The following CHMP4B variants were observed in gnomAD, a reference collection of about 807,000 sequenced individuals.
CHMP4B encodes the protein SNF7 homolog associated with Alix 1.
A neutral mutation model predicts 25.1 loss-of-function variants in CHMP4B; 1 was observed. The observed-to-expected ratio is 0.04, with a 90% confidence interval of 0.01 to 0.19. The LOEUF is 0.19. CHMP4B is among the 10% of genes least tolerant of loss of function. CHMP4B has a pLI of 1.00. For synonymous variants in CHMP4B, 101 were observed against 115.6 expected (o/e 0.87, Z 0.81); for missense variants, 151 against 289.7 (o/e 0.52, Z 3.48).
intron 1 of CHMP4B, among the ~76,000 whole-genome samples, chr20:33,844,691 G>A (rs1270869692): frequency 6.6e-6 from 1 of 151,990 alleles, no homozygotes; most frequent in Non-Finnish European, 1.5e-5. Flanking sequence ...AGTTTCATAA[G>A]CATTTTACCA....
intron 1 of CHMP4B, among the ~76,000 whole-genome samples, chr20:33,819,304 C>T (rs755733632): frequency 3.3e-5 from 5 of 152,238 alleles, no homozygotes; most frequent in Middle Eastern, 3.4e-3. Context: ...CAGGCAGGGC[C>T]GAGCCATTTG....
At chr20:33,837,989 T>C (rs1381085587) in intron 1 of CHMP4B, among the ~76,000 whole-genome samples, 1 of 151,906 alleles carries the variant, frequency 6.6e-6, no homozygotes, top group Non-Finnish European at 1.5e-5. Flanking sequence ...TGATGAGGAG[T>C]CTGAGGCCCT....
intron 1 of CHMP4B, among the ~76,000 whole-genome samples, chr20:33,822,572 T>C (rs529272497): frequency 6.6e-4 from 101 of 152,344 alleles, no homozygotes; most frequent in African/African-American, 2.3e-3. Flanking sequence ...GGTAGGACTT[T>C]GGGTGTCAAG....
chr20:33,853,442 A>G, intron 4 of CHMP4B, 54 bp from the exon 5 acceptor site: 1 of 1,550,100 alleles, frequency 6.5e-7, no homozygotes, highest in Non-Finnish European at 8.9e-7. Flanking sequence ...ATTTCCGGCC[A>G]GAACATGTTG....
intron 1 of CHMP4B, among the ~76,000 whole-genome samples, chr20:33,843,338 C>T (rs1282880157): frequency 6.6e-6 from 1 of 152,134 alleles, no homozygotes; most frequent in Non-Finnish European, 1.5e-5. Flanking sequence ...ATGGAGATTC[C>T]AAGGACTGTT....
At chr20:33,851,726 G>A (rs1415676617) in intron 3 of CHMP4B, among the ~76,000 whole-genome samples, 1 of 152,118 alleles carries the variant, frequency 6.6e-6, no homozygotes, top group South Asian at 2.1e-4. Context: ...ACTGGAGTTC[G>A]ATGGATGAAT....
Position 33,830,933 on chromosome 20 carries a change from G to GTTTTTTTTTT in CHMP4B, c.191-17527_191-17518dup, listed in dbSNP as rs55917511. On this transcript the variant is annotated intron_variant, in intron 1 of 4. Coordinates refer to ENST00000217402, the MANE Select transcript of CHMP4B (RefSeq NM_176812.5). ...TGAATTAATTGTTCAAAGGAACAGA[G>GTTTTTTTTTT]TTTTTTTTTTTTTTTTAGTTTTTTT... Among the ~76,000 whole-genome samples, 100 of 102,562 alleles carry GTTTTTTTTTT rather than the reference G, an allele frequency of 9.8e-4. 5 individuals are homozygous for GTTTTTTTTTT. Among genetic ancestry groups the GTTTTTTTTTT allele is most frequent in the African/African-American group, 3.3e-3 (90 of 27,426 alleles). 67.3% of individuals were successfully genotyped at this position (102,562 alleles called of 152,430 possible).
At chr20:33,846,072 A>G (rs1979682376) in intron 1 of CHMP4B, among the ~76,000 whole-genome samples, 1 of 152,216 alleles carries the variant, frequency 6.6e-6, no homozygotes, top group African/African-American at 2.4e-5. Context: ...GTGTTCCCAC[A>G]GTCCCCATGT....
At chr20:33,850,561 C>T (rs962803496) in intron 2 of CHMP4B, among the ~76,000 whole-genome samples, 1 of 152,190 alleles carries the variant, frequency 6.6e-6, no homozygotes, top group Non-Finnish European at 1.5e-5. Context: ...GCCCATTAGA[C>T]AGCATGGCTG....
At chr20:33,852,517 G>T (rs1262240506) in intron 4 of CHMP4B, among the ~76,000 whole-genome samples, 1 of 152,168 alleles carries the variant, frequency 6.6e-6, no homozygotes, top group East Asian at 1.9e-4. Flanking sequence ...TGGATGTTCA[G>T]CACCATCCCT....
At chr20:33,812,654 A>G (rs559438186) in intron 1 of CHMP4B, among the ~76,000 whole-genome samples, 83 of 152,366 alleles carry the variant, frequency 5.4e-4, no homozygotes, top group African/African-American at 2.0e-3. Context: ...TCACAGAACG[A>G]CATCCCTTCC....
At chr20:33,825,873 G>C (rs761328497) in intron 1 of CHMP4B, among the ~76,000 whole-genome samples, 5 of 152,204 alleles carry the variant, frequency 3.3e-5, no homozygotes, top group Non-Finnish European at 7.3e-5. Context: ...CTCTGAAAAA[G>C]AGCCAGCTCC....
intron 1 of CHMP4B, among the ~76,000 whole-genome samples, chr20:33,816,161 T>A (rs1209493917): frequency 6.6e-6 from 1 of 152,172 alleles, no homozygotes; most frequent in African/African-American, 2.4e-5. Flanking sequence ...ATTTCATTTC[T>A]TTTTCTTTAG....
chr20:33,840,487 A>G (rs1568609922), intron 1 of CHMP4B, among the ~76,000 whole-genome samples: 1 of 152,154 alleles, frequency 6.6e-6, no homozygotes, highest in Non-Finnish European at 1.5e-5. Flanking sequence ...CTTACCTGAC[A>G]CCCACCTTCA....
At chr20:33,825,889 G>C (rs1054233932) in intron 1 of CHMP4B, among the ~76,000 whole-genome samples, 9 of 152,202 alleles carry the variant, frequency 5.9e-5, no homozygotes, top group African/African-American at 2.2e-4. Context: ...GCTCCTTCCA[G>C]GTTTAGGAGC....
At chr20:33,840,772 G>T (rs922878670) in intron 1 of CHMP4B, among the ~76,000 whole-genome samples, 5 of 152,210 alleles carry the variant, frequency 3.3e-5, no homozygotes, top group South Asian at 2.1e-4. Flanking sequence ...GGGAAGTCCT[G>T]CAGTAAGTAA....
intron 3 of CHMP4B, among the ~76,000 whole-genome samples, chr20:33,851,512 A>G (rs1312379600): frequency 2.0e-5 from 3 of 151,902 alleles, no homozygotes; most frequent in African/African-American, 7.3e-5. Flanking sequence ...TGCTGTAGCA[A>G]TTTGGGACCT....
chr20:33,832,617 T>A (rs900779225), intron 1 of CHMP4B, among the ~76,000 whole-genome samples: 1 of 152,178 alleles, frequency 6.6e-6, no homozygotes, highest in Non-Finnish European at 1.5e-5. Context: ...CCTCAGTCAC[T>A]CCCTTCCTAG....
chr20:33,821,242 C>G (rs1251905270), intron 1 of CHMP4B, among the ~76,000 whole-genome samples: 1 of 152,060 alleles, frequency 6.6e-6, no homozygotes, highest in African/African-American at 2.4e-5. Flanking sequence ...CAAAAATTAG[C>G]TGGGCGTGGT....
Sources: gnomAD v4.1 joint callset for allele counts (sites outside exome capture counted in the v4.1 genomes callset) on GRCh38, gnomAD v4.1.1 for gene constraint, MANE v1.5 for transcripts, NCBI Gene and HGNC (gene_info 2026-07-23, HGNC 2026-07-21) for gene names.